The following PLAA variants were observed in gnomAD, a reference collection of about 807,000 sequenced individuals.
PLAA encodes phospholipase A2 activating protein.
Under a neutral mutation model 84.1 loss-of-function variants are expected in PLAA, and 48 were observed. That is an observed-to-expected ratio of 0.57 (90% CI 0.45 to 0.73). PLAA has a LOEUF of 0.73. PLAA is among the 30% of genes least tolerant of loss of function. The pLI, the probability that PLAA is intolerant of heterozygous loss-of-function variation, is 0.00. For synonymous variants in PLAA, 392 were observed against 336.6 expected, an observed-to-expected ratio of 1.16 and a Z score of -1.80; for missense variants, 903 against 954.7, an observed-to-expected ratio of 0.95 and a Z score of 0.71.
At position 26,907,968 on chromosome 9, in the gene PLAA, G is replaced by T. The variant is rs777208863; in HGVS notation, c.1688C>A (p.Pro563His). The T allele has an allele frequency of 6.3e-7, 1 of 1,598,084 alleles. No homozygotes were observed. The highest frequency in any genetic ancestry group is 1.1e-5 in the South Asian group (1 of 87,864). ...GKLKELNGTA[P>H]EEKKLTEDDL... ...ATCCTCAGTTAACTTCTTCTCTTCAGGTGCAGTTCCATTAAGTTCCTTCAG... is the reference window on the plus strand; with the variant it reads ...ATCCTCAGTTAACTTCTTCTCTTCATGTGCAGTTCCATTAAGTTCCTTCAG... The change falls in exon 13 of 14, where the codon CCT (proline) becomes CAT (histidine). Residue 563 changes from proline (P) to histidine (H), a missense_variant. By Grantham distance (77) the Pro-to-His change is moderately conservative (BLOSUM62 -2). Coordinates refer to ENST00000397292, the MANE Select transcript of PLAA (RefSeq NM_001031689.3).
chr9:26,933,478 A>G (rs1242493935), intron 2 of PLAA, among the ~76,000 whole-genome samples: 1 of 151,816 alleles, frequency 6.6e-6, no homozygotes, highest in African/African-American at 2.4e-5. Flanking sequence ...AAATTAAAAA[A>G]TAATTTAAAA....
rs1050253709 is a variant in PLAA at position 26,916,249 on chromosome 9, C to T, written c.1486+848G>A. On this transcript the variant is annotated intron_variant, in intron 10 of 13. Transcript: ENST00000397292. ...AGCTCACAGTACCAGTCTGCAAGGCCAGTGGATACCTAAACGCTATGATCT... is the reference window on the plus strand; with the variant it reads ...AGCTCACAGTACCAGTCTGCAAGGCTAGTGGATACCTAAACGCTATGATCT... 31 of 985,184 alleles carry T rather than the reference C, an allele frequency of 3.1e-5. No individual in the cohort carries two copies. In the African/African-American group the frequency reaches 4.5e-4, roughly 14 times the overall value. 61.0% of individuals were successfully genotyped at this position (985,184 alleles called of 1,614,324 possible).
At chr9:26,908,167 CT>C (rs375603485) in intron 12 of PLAA, among the ~76,000 whole-genome samples, 169 bp from the exon 13 acceptor site, 14,677 of 134,868 alleles carry the variant, frequency 0.11, 697 homozygotes, top group Middle Eastern at 0.19. Flanking sequence ...TGAGCTTTGT[CT>C]TTTTTTTTTT....
intron 1 of PLAA, among the ~76,000 whole-genome samples, chr9:26,939,205 G>A (rs1408966180): frequency 2.0e-5 from 3 of 151,860 alleles, no homozygotes; most frequent in South Asian, 2.1e-4. Context: ...TGGCTAACAC[G>A]GTGAAACCCC....
Position 26,918,288 on chromosome 9 carries a change from A to ATTTTTTTTTTTT in PLAA, c.1417+1010_1417+1021dup, listed in dbSNP as rs1185916022. On this transcript the variant is annotated intron_variant, in intron 9 of 13. Transcript: ENST00000397292. ...CCATCACACCTGGCTAATTTTTTGT[A>ATTTTTTTTTTTT]TTTTTTTTTTTTTTTTTTTTTAGTA... Among the ~76,000 whole-genome samples, 5 of 95,704 alleles carry ATTTTTTTTTTTT rather than the reference A, an allele frequency of 5.2e-5. 1 individual carries two copies. The highest frequency in any genetic ancestry group is 1.9e-4 in the African/African-American group (5 of 26,202). The allele number at this position is 95,704 out of a possible 152,430, so 62.8% of individuals were successfully genotyped here. A position where few individuals can be genotyped will look rare whatever the true frequency, so the allele number is the denominator to read the frequency against.
chr9:26,928,173 G>C lies in PLAA; in HGVS notation c.492C>G (p.Gly164=). 6.2e-7 allele frequency: 1 copy of C among 1,614,116 alleles called. No individual in the cohort carries two copies. The highest frequency in any genetic ancestry group is 8.5e-7 in the Non-Finnish European group (1 of 1,179,998). ...VWAVKILPEQ[G]LMLTGSADKT... ...TGTCTGCTGATCCAGTCAACATTAA[G>C]CCCTGTTCAGGTAAGATCTTTACCG... The change falls in exon 4 of 14, where the codon GGC becomes GGG. Residue 164 remains glycine, a synonymous_variant. Transcript: ENST00000397292.
chr9:26,947,014 C>T lies in PLAA; in HGVS notation c.32G>A (p.Ser11Asn). The change falls in exon 1 of 14, where the codon AGC (serine) becomes AAC (asparagine). Residue 11 changes from serine to asparagine, a missense_variant. Coordinates refer to ENST00000397292, the MANE Select transcript of PLAA (RefSeq NM_001031689.3). MTSGATRYRL[S>N]CSLRGHELDV... ...CAGCTCGTGGCCCCGGAGCGAGCAG[C>T]TCAGCCGGTACCTGGTTGCGCCGCT... The T allele has an allele frequency of 6.3e-7, 1 of 1,592,438 alleles. No individual in the cohort carries two copies.
chr9:26,907,373 C>CA (rs201302844), intron 13 of PLAA, among the ~76,000 whole-genome samples: 14,113 of 151,894 alleles, frequency 0.093, 1,579 homozygotes, highest in East Asian at 0.61. Context: ...ACTAAAAATA[C>CA]AAAAAATTAG....
intron 1 of PLAA, among the ~76,000 whole-genome samples, chr9:26,940,513 T>C (rs1032828376): frequency 1.3e-5 from 2 of 152,206 alleles, no homozygotes; most frequent in African/African-American, 2.4e-5. Context: ...CAATGAGTTA[T>C]TGCTTAAACA....
intron 6 of PLAA, among the ~76,000 whole-genome samples, chr9:26,923,587 G>C (rs1455758028): frequency 6.6e-6 from 1 of 152,146 alleles, no homozygotes; most frequent in Non-Finnish European, 1.5e-5. Context: ...CAATTTCCAA[G>C]TTAAATATTT....
Position 26,928,089 on chromosome 9 carries a change from C to A in PLAA, c.565+11G>T. 1 of 1,610,708 alleles carries A rather than the reference C, an allele frequency of 6.2e-7. No individual in the cohort carries two copies. On this transcript the variant is annotated intron_variant, in intron 4 of 13. Transcript: ENST00000397292. Reference sequence around the variant, plus strand: ...CAATGATATTATAAAACTTGTCTACCCTGATCTTACCTGAAAAAGTCCTCT... The same window carrying A: ...CAATGATATTATAAAACTTGTCTACACTGATCTTACCTGAAAAAGTCCTCT...
intron 6 of PLAA, among the ~76,000 whole-genome samples, chr9:26,924,865 A>G (rs1399124730): frequency 6.6e-6 from 1 of 152,130 alleles, no homozygotes; most frequent in East Asian, 1.9e-4. Flanking sequence ...TCTTTATCTT[A>G]GCCTCAGTTC....
At chr9:26,939,051 C>T (rs1825442346) in intron 1 of PLAA, among the ~76,000 whole-genome samples, 1 of 152,160 alleles carries the variant, frequency 6.6e-6, no homozygotes, top group South Asian at 2.1e-4. Flanking sequence ...TAAACACACA[C>T]AAAAATAGAA....
At chr9:26,930,556 A>G (rs981532048) in intron 2 of PLAA, among the ~76,000 whole-genome samples, 5 of 151,836 alleles carry the variant, frequency 3.3e-5, no homozygotes, top group Non-Finnish European at 5.9e-5. Context: ...GTTAATGAGA[A>G]ATACTCATAT....
chr9:26,939,222 A>C (rs917916364), intron 1 of PLAA, among the ~76,000 whole-genome samples: 18 of 151,918 alleles, frequency 1.2e-4, no homozygotes, highest in Admixed American at 6.6e-4. Context: ...CCCCATCTCT[A>C]CTAAAAATAC....
chr9:26,927,161 C>T (rs1403747824), intron 4 of PLAA, among the ~76,000 whole-genome samples: 1 of 139,404 alleles, frequency 7.2e-6, no homozygotes, highest in Non-Finnish European at 1.5e-5. Context: ...CACTTTGTGG[C>T]CCAAGCTGGA....
intron 13 of PLAA, among the ~76,000 whole-genome samples, chr9:26,907,383 G>A (rs1183649290): frequency 2.0e-5 from 3 of 152,010 alleles, no homozygotes; most frequent in Non-Finnish European, 4.4e-5. Context: ...CAAAAAATTA[G>A]CCGGGCATGG....
chr9:26,924,267 A>G (rs1314140048), intron 6 of PLAA, among the ~76,000 whole-genome samples: 2 of 152,020 alleles, frequency 1.3e-5, no homozygotes, highest in African/African-American at 4.8e-5. Flanking sequence ...AGCAGCTGGG[A>G]CTACAAATGC....
intron 1 of PLAA, among the ~76,000 whole-genome samples, chr9:26,940,815 T>C (rs1293774347): frequency 6.6e-6 from 1 of 152,244 alleles, no homozygotes; most frequent in Non-Finnish European, 1.5e-5. Flanking sequence ...AGATACCTGG[T>C]AGTAACCAAT....
Sources: allele counts gnomAD v4.1 joint callset (sites outside exome capture counted in the v4.1 genomes callset), GRCh38; gene constraint gnomAD v4.1.1; transcripts MANE v1.5; gene names NCBI Gene and HGNC (gene_info 2026-07-23, HGNC 2026-07-21).